Variants in DNAH11 observed in about 807,000 individuals in gnomAD.
DNAH11 encodes the protein axonemal beta dynein heavy chain 11.
DNAH11 carries 442 observed loss-of-function variants against 526.0 expected under a neutral mutation model. The observed-to-expected ratio is 0.84, with a 90% CI of 0.78 to 0.91. The LOEUF is 0.91. Ranked by LOEUF, DNAH11 falls within the 40% of genes least tolerant of loss-of-function variation. The probability of loss-of-function intolerance (pLI) is 0.00; values close to 1 mark genes in which losing one functional copy is unlikely to be tolerated. For synonymous variants in DNAH11, 2,461 were observed against 1,935.9 expected, an observed-to-expected ratio of 1.27 and a Z score of -7.12; for missense variants, 6,989 against 5,448.7, an observed-to-expected ratio of 1.28 and a Z score of -8.90.
chr7:21,617,747 G>A lies in DNAH11; in HGVS notation c.4224G>A (p.Arg1408=). ...TELQSPALRD[R]HWHQLMKAIG... is the part of the protein sequence containing the mutation. ...TACAGAGCCCTGCCCTCAGGGACAG[G>A]CATTGGCACCAGCTGATGAAAGCTA... Residue 1408 remains arginine (R), a synonymous_variant, in exon 23 of 82, where the codon AGG becomes AGA. Coordinates refer to ENST00000409508, the MANE Select transcript of DNAH11 (RefSeq NM_001277115.2). 6.2e-7 allele frequency: 1 copy of A among 1,606,432 alleles called. No individual in the cohort carries two copies. The highest frequency in any genetic ancestry group is 8.5e-7 in the Non-Finnish European group (1 of 1,176,836).
At chr7:21,706,767 A>T (rs371159591) in intron 39 of DNAH11, among the ~76,000 whole-genome samples, 2 of 152,192 alleles carry the variant, frequency 1.3e-5, no homozygotes, top group African/African-American at 2.4e-5. Flanking sequence ...TATCATTTCA[A>T]AGTGTTTGCC....
chr7:21,744,370 G>T, intron 49 of DNAH11, 68 bp from the exon 50 acceptor site: 2 of 1,511,946 alleles, frequency 1.3e-6, no homozygotes, highest in South Asian at 1.2e-5. Flanking sequence ...AGTTTAAAAA[G>T]TGTTAAACTC....
At chr7:21,850,369 A>AAT (rs1215597787) in intron 66 of DNAH11, among the ~76,000 whole-genome samples, 3 of 148,262 alleles carry the variant, frequency 2.0e-5, no homozygotes, top group African/African-American at 7.6e-5. Context: ...AAAAAAAAAA[A>AAT]GAAAAAGAAA....
At chr7:21,559,240 G>C (rs1247113056) in intron 3 of DNAH11, among the ~76,000 whole-genome samples, 1 of 152,134 alleles carries the variant, frequency 6.6e-6, no homozygotes, top group Non-Finnish European at 1.5e-5. Flanking sequence ...GAGAATTACA[G>C]CTACATCATA....
At chr7:21,612,144 A>G (rs1785546158) in intron 20 of DNAH11, among the ~76,000 whole-genome samples, 1 of 152,214 alleles carries the variant, frequency 6.6e-6, no homozygotes, top group African/African-American at 2.4e-5. Context: ...GAAAAATATA[A>G]TTTACCAAAA....
At chr7:21,898,134 T>C (rs1463231563) in intron 79 of DNAH11, among the ~76,000 whole-genome samples, 1 of 152,226 alleles carries the variant, frequency 6.6e-6, no homozygotes. Flanking sequence ...TCACTTGTTT[T>C]AGTTGTTACA....
At chr7:21,636,206 C>A in intron 26 of DNAH11, 111 bp downstream of exon 26, 1 of 914,868 alleles carries the variant, frequency 1.1e-6, no homozygotes, top group Non-Finnish European at 1.6e-6. Context: ...AAGCAGGAGT[C>A]AGGAGACTTT....
At chr7:21,566,694 C>T (rs150361824) in intron 6 of DNAH11, among the ~76,000 whole-genome samples, 7 of 151,706 alleles carry the variant, frequency 4.6e-5, no homozygotes, top group Non-Finnish European at 8.8e-5. Context: ...ATACCATGCT[C>T]CATATTTTAA....
intron 30 of DNAH11, among the ~76,000 whole-genome samples, chr7:21,667,747 T>C (rs62447815): frequency 1.3e-5 from 2 of 152,144 alleles, no homozygotes; most frequent in Non-Finnish European, 2.9e-5. Flanking sequence ...ACATAATCCC[T>C]GTAAGAGATT....
chr7:21,602,536 C>A (rs941820451), intron 18 of DNAH11, among the ~76,000 whole-genome samples: 1 of 149,914 alleles, frequency 6.7e-6, no homozygotes, highest in African/African-American at 2.5e-5. Context: ...TTTTTCTATG[C>A]CAATATTGAT....
intron 20 of DNAH11, among the ~76,000 whole-genome samples, chr7:21,609,620 G>T (rs1217684368): frequency 1.3e-5 from 2 of 152,198 alleles, no homozygotes; most frequent in Non-Finnish European, 2.9e-5. Flanking sequence ...TGGAGATTAT[G>T]GTGGACCAGA....
chr7:21,759,528 C>A (rs1311532645), intron 54 of DNAH11, among the ~76,000 whole-genome samples: 1 of 152,148 alleles, frequency 6.6e-6, no homozygotes, highest in Non-Finnish European at 1.5e-5. Context: ...TGCACTAAAC[C>A]TCCATTCCTG....
At chr7:21,628,718 T>C (rs1019725192) in intron 25 of DNAH11, among the ~76,000 whole-genome samples, 3 of 152,134 alleles carry the variant, frequency 2.0e-5, no homozygotes, top group African/African-American at 2.4e-5. Context: ...TTGTGGCATC[T>C]ATGTTTATCA....
intron 79 of DNAH11, among the ~76,000 whole-genome samples, chr7:21,895,680 C>T (rs2128049459): frequency 6.6e-6 from 1 of 152,248 alleles, no homozygotes; most frequent in South Asian, 2.1e-4. Flanking sequence ...ATCCCTGTAC[C>T]ATTCCTATTA....
intron 25 of DNAH11, among the ~76,000 whole-genome samples, chr7:21,623,989 A>T (rs1372780366): frequency 6.6e-6 from 1 of 151,044 alleles, no homozygotes; most frequent in Non-Finnish European, 1.5e-5. Context: ...AAATAAAAAT[A>T]AAAAATAAAA....
intron 1 of DNAH11, among the ~76,000 whole-genome samples, 153 bp from the exon 2 acceptor site, chr7:21,544,853 C>G (rs1319510286): frequency 6.6e-6 from 1 of 152,082 alleles, no homozygotes; most frequent in African/African-American, 2.4e-5. Context: ...TCGCTGCATA[C>G]TAGGGAAGAG....
intron 76 of DNAH11, among the ~76,000 whole-genome samples, chr7:21,888,529 G>A (rs532357559): frequency 2.4e-4 from 37 of 151,786 alleles, no homozygotes; most frequent in Middle Eastern, 6.9e-3. Context: ...TTGTTCTGTC[G>A]CCCAGGCTGG....
At chr7:21,848,154 G>A (rs931824976) in intron 66 of DNAH11, among the ~76,000 whole-genome samples, 22 of 125,512 alleles carry the variant, frequency 1.8e-4, no homozygotes, top group South Asian at 6.7e-4. Context: ...GTGATAGAGC[G>A]AGACTCTGTT....
In DNAH11 at chr7:21,711,017, A is replaced by G. The variant is rs60619331; in HGVS notation, c.6834+314A>G. On this transcript the variant is annotated intron_variant, in intron 41 of 81. Coordinates refer to ENST00000409508, the MANE Select transcript of DNAH11 (RefSeq NM_001277115.2). Reference sequence around the variant, plus strand: ...AAATTATTGTATCTTGTCATCTTTGATTAAGTATAAATACTTAGACAATGA... The same window carrying G: ...AAATTATTGTATCTTGTCATCTTTGGTTAAGTATAAATACTTAGACAATGA... Among the ~76,000 whole-genome samples, 2,783 of 152,312 alleles carry G rather than the reference A, an allele frequency of 0.018. 76 individuals are homozygous for G. The highest frequency in any genetic ancestry group is 0.064 in the African/African-American group (2,646 of 41,568).
Sources: allele counts gnomAD v4.1 joint callset (sites outside exome capture counted in the v4.1 genomes callset), GRCh38; gene constraint gnomAD v4.1.1; transcripts MANE v1.5; gene names NCBI Gene and HGNC (gene_info 2026-07-23, HGNC 2026-07-21).